PCDH15: variants seen among roughly 807,000 people sequenced by gnomAD.
The protein encoded by PCDH15 is protocadherin-15.
A neutral mutation model predicts 178.5 loss-of-function variants in PCDH15; 129 were observed. The observed-to-expected ratio is 0.72, with a 90% CI of 0.63 to 0.84. PCDH15 has a LOEUF of 0.84. Ranked by LOEUF, PCDH15 falls within the 40% of genes least tolerant of loss-of-function variation. The pLI, the probability that PCDH15 is intolerant of heterozygous loss-of-function variation, is 0.00. For synonymous variants in PCDH15, 800 were observed against 732.0 expected (o/e 1.09, Z -1.50); for missense variants, 2,230 against 2,099.9 (o/e 1.06, Z -1.21).
At chr10:54,746,065 G>A (rs896540141) in intron 1 of PCDH15, among the ~76,000 whole-genome samples, 5 of 152,070 alleles carry the variant, frequency 3.3e-5, no homozygotes, top group African/African-American at 1.2e-4. Flanking sequence ...TTTGTTAGGT[G>A]ATTGAATGTT....
chr10:54,826,773 T>C (rs1315321428), intron 3 of PCDH15, among the ~76,000 whole-genome samples: 1 of 152,038 alleles, frequency 6.6e-6, no homozygotes, highest in Non-Finnish European at 1.5e-5. Flanking sequence ...AAGTTTCCCA[T>C]TTCCTAAATT....
chr10:55,328,272 T>C (rs775064944), intron 2 of PCDH15, among the ~76,000 whole-genome samples: 1 of 151,852 alleles, frequency 6.6e-6, no homozygotes, highest in African/African-American at 2.4e-5. Context: ...TGCTTAATAA[T>C]GGGATACATT....
intron 16 of PCDH15, among the ~76,000 whole-genome samples, chr10:54,081,738 C>T (rs1010684933): frequency 6.6e-6 from 1 of 151,802 alleles, no homozygotes; most frequent in Admixed American, 6.6e-5. Flanking sequence ...TATAAGTTCA[C>T]ATATTAAAAA....
At chr10:54,593,915 C>T (rs1279344084) in intron 2 of PCDH15, among the ~76,000 whole-genome samples, 2 of 151,658 alleles carry the variant, frequency 1.3e-5, no homozygotes, top group Non-Finnish European at 2.9e-5. Flanking sequence ...AAACATCTCC[C>T]ACAGAGGGAC....
rs541861833 is a variant in PCDH15 at position 54,197,309 on chromosome 10, TTC to T, written c.1099-1422_1099-1421del. Among the ~76,000 whole-genome samples, 44 of 152,046 alleles carry T rather than the reference TTC, an allele frequency of 2.9e-4. 1 individual carries two copies. Among genetic ancestry groups the T allele is most frequent in the Non-Finnish European group, 5.0e-4 (34 of 67,948 alleles). On this transcript the variant is annotated intron_variant, in intron 10 of 37. Transcript: ENST00000644397. Reference sequence around the variant, plus strand: ...CATAGGAAAATACTAACCATAGATTTTCTGTTTTTTAAAAAATATATATTTTA... The same window carrying T: ...CATAGGAAAATACTAACCATAGATTTTGTTTTTTAAAAAATATATATTTTA...
intron 15 of PCDH15, among the ~76,000 whole-genome samples, chr10:54,125,403 TATA>T (rs1366900844): frequency 1.3e-5 from 2 of 152,204 alleles, no homozygotes; most frequent in Non-Finnish European, 2.9e-5. Context: ...ACACTTTCTG[TATA>T]ATAATTTTAT....
intron 2 of PCDH15, among the ~76,000 whole-genome samples, chr10:55,583,939 G>A (rs1165521133): frequency 2.0e-5 from 3 of 152,078 alleles, no homozygotes; most frequent in African/African-American, 7.2e-5. Flanking sequence ...TTGCAGTGGC[G>A]TGATCTTGGC....
intron 2 of PCDH15, among the ~76,000 whole-genome samples, chr10:54,974,686 C>A (rs1201371413): frequency 6.6e-6 from 1 of 151,956 alleles, no homozygotes; most frequent in Non-Finnish European, 1.5e-5. Flanking sequence ...GAAAACCCTT[C>A]AGAGTTGTAA....
chr10:55,474,018 G>A (rs1840015321), intron 2 of PCDH15, among the ~76,000 whole-genome samples: 1 of 152,090 alleles, frequency 6.6e-6, no homozygotes, highest in African/African-American at 2.4e-5. Flanking sequence ...ACTAAGATAT[G>A]TAACCCAGCC....
intron 2 of PCDH15, among the ~76,000 whole-genome samples, chr10:55,065,405 C>T (rs1841537639): frequency 1.3e-5 from 2 of 152,136 alleles, no homozygotes; most frequent in Admixed American, 6.6e-5. Flanking sequence ...GTTCAAAGGT[C>T]CCCTCCTTAG....
rs920100159 is a variant in PCDH15 at position 55,327,563 on chromosome 10, T to G, written c.-155-160912A>C. Among the ~76,000 whole-genome samples, 12 of 152,180 alleles carry G rather than the reference T, an allele frequency of 7.9e-5. No individual in the cohort carries two copies. The East Asian group carries it at 1.4e-3, about 17-fold the overall frequency. ...AAACATGTTATATTCAATACCAAGA[T>G]CATTTACTACATTTAAAATGTACTT... On this transcript the variant is annotated intron_variant, in intron 2 of 5. Coordinates refer to the PCDH15 transcript ENST00000613346.
intron 2 of PCDH15, among the ~76,000 whole-genome samples, chr10:55,543,702 A>G (rs1841814246): frequency 6.6e-6 from 1 of 151,576 alleles, no homozygotes; most frequent in Admixed American, 6.6e-5. Context: ...GACCAGAAAA[A>G]TCTGATTCCA....
At chr10:54,750,007 G>T (rs1945993887) in intron 1 of PCDH15, among the ~76,000 whole-genome samples, 1 of 151,394 alleles carries the variant, frequency 6.6e-6, no homozygotes, top group Non-Finnish European at 1.5e-5. Flanking sequence ...ACAAGGAGGG[G>T]TCTTACTACT....
chr10:54,277,042 G>A (rs780025456), intron 8 of PCDH15, among the ~76,000 whole-genome samples: 12 of 151,208 alleles, frequency 7.9e-5, no homozygotes, highest in African/African-American at 2.9e-4. Context: ...AATTCAGCAC[G>A]TTTTTTTTCC....
chr10:54,329,553 T>G (rs771472758), intron 7 of PCDH15, 43 bp downstream of exon 7: 1 of 1,428,574 alleles, frequency 7.0e-7, no homozygotes, highest in Non-Finnish European at 9.9e-7. Flanking sequence ...GTTTTTTACT[T>G]CATAAATTCA....
chr10:55,523,175 AT>A (rs903720540), intron 2 of PCDH15, among the ~76,000 whole-genome samples: 18 of 151,282 alleles, frequency 1.2e-4, no homozygotes, highest in Middle Eastern at 3.4e-3. Flanking sequence ...AGATTTGGAA[AT>A]TTTTTTTAAA....
At chr10:54,902,981 A>G (rs1400744081) in intron 2 of PCDH15, among the ~76,000 whole-genome samples, 1 of 152,182 alleles carries the variant, frequency 6.6e-6, no homozygotes, top group African/African-American at 2.4e-5. Flanking sequence ...CACAATGTAT[A>G]TAATATGGAA....
At chr10:54,439,288 A>G (rs1248604359) in intron 3 of PCDH15, among the ~76,000 whole-genome samples, 1 of 152,048 alleles carries the variant, frequency 6.6e-6, no homozygotes. Context: ...AATATGCATA[A>G]ATCTGGGGAC....
intron 3 of PCDH15, among the ~76,000 whole-genome samples, chr10:54,515,107 G>C (rs2082076285): frequency 6.6e-6 from 1 of 152,202 alleles, no homozygotes; most frequent in South Asian, 2.1e-4. Context: ...CATCTCACTA[G>C]GGAGTGCCAG....
Sources: gnomAD v4.1 joint callset for allele counts (sites outside exome capture counted in the v4.1 genomes callset) on GRCh38, gnomAD v4.1.1 for gene constraint, MANE v1.5 for transcripts, NCBI Gene and HGNC (gene_info 2026-07-23, HGNC 2026-07-21) for gene names.